The following GPC5 variants were observed in gnomAD, a reference collection of about 807,000 sequenced individuals.
GPC5 encodes the protein glypican-5.
Under a neutral mutation model 53.9 loss-of-function variants are expected in GPC5, and 47 were observed. The ratio of observed to expected loss-of-function variants is 0.87; its 90% CI spans 0.69 to 1.11. The LOEUF (loss-of-function observed/expected upper bound fraction) is 1.11, where lower values mean the gene tolerates loss of function less well. Ranked by LOEUF, GPC5 falls within the 50% of genes most tolerant of loss-of-function variation. GPC5 has a pLI of 0.00. For missense variants in GPC5, 748 were observed against 713.1 expected (o/e 1.05, Z -0.56); for synonymous variants, 286 against 263.3 (o/e 1.09, Z -0.84).
chr13:92,736,204 T>C (rs1475250780), intron 7 of GPC5, among the ~76,000 whole-genome samples: 1 of 152,052 alleles, frequency 6.6e-6, no homozygotes, highest in Non-Finnish European at 1.5e-5. Flanking sequence ...CCACCATCAA[T>C]GTTTTTAATA....
chr13:91,705,553 A>C (rs905830705), intron 3 of GPC5, among the ~76,000 whole-genome samples: 2 of 152,190 alleles, frequency 1.3e-5, no homozygotes, highest in Admixed American at 1.3e-4. Context: ...AACTCATTTC[A>C]TCAGATCAGC....
intron 5 of GPC5, among the ~76,000 whole-genome samples, chr13:91,888,319 G>A (rs575011037): frequency 4.2e-4 from 64 of 152,166 alleles, no homozygotes; most frequent in Non-Finnish European, 7.4e-4. Context: ...CCCAGGACAC[G>A]TGGGGATTAT....
At chr13:92,665,326 T>C (rs985564772) in intron 7 of GPC5, among the ~76,000 whole-genome samples, 4 of 152,150 alleles carry the variant, frequency 2.6e-5, no homozygotes, top group African/African-American at 9.7e-5. Flanking sequence ...AAAATCCTTA[T>C]GGTCAAAACT....
At chr13:91,436,977 A>G (rs534698818) in intron 1 of GPC5, among the ~76,000 whole-genome samples, 4 of 152,182 alleles carry the variant, frequency 2.6e-5, no homozygotes, top group African/African-American at 9.6e-5. Flanking sequence ...TTGTTGGTTT[A>G]AAGTCTGTTT....
chr13:92,030,296 T>G (rs927093139), intron 6 of GPC5, among the ~76,000 whole-genome samples: 1 of 152,180 alleles, frequency 6.6e-6, no homozygotes, highest in African/African-American at 2.4e-5. Flanking sequence ...AGTTGCAGTC[T>G]TACCTGTTAT....
chr13:92,091,915 A>T (rs138283270), intron 6 of GPC5, among the ~76,000 whole-genome samples: 1 of 152,304 alleles, frequency 6.6e-6, no homozygotes, highest in Non-Finnish European at 1.5e-5. Context: ...TTTTCCTAAA[A>T]CACCAACAGA....
chr13:91,452,658 T>C (rs1239929182), intron 2 of GPC5, among the ~76,000 whole-genome samples: 1 of 152,062 alleles, frequency 6.6e-6, no homozygotes, highest in Non-Finnish European at 1.5e-5. Flanking sequence ...CATGGAGAAA[T>C]AGGGGAAATT....
chr13:91,785,961 C>A (rs1002462364), intron 5 of GPC5, among the ~76,000 whole-genome samples: 3 of 152,106 alleles, frequency 2.0e-5, no homozygotes, highest in African/African-American at 7.2e-5. Flanking sequence ...AGAAATCTGC[C>A]TCAGGTCTGT....
chr13:92,613,668 A>G (rs1242380025), intron 7 of GPC5, among the ~76,000 whole-genome samples: 2 of 119,788 alleles, frequency 1.7e-5, no homozygotes, highest in Non-Finnish European at 3.4e-5. Flanking sequence ...TATATATTTT[A>G]TTATATATAT....
chr13:92,008,131 C>A (rs1474175956), intron 6 of GPC5, among the ~76,000 whole-genome samples: 1 of 146,574 alleles, frequency 6.8e-6, no homozygotes, highest in African/African-American at 2.5e-5. Context: ...GGCGCAATCT[C>A]GGCTCACTGC....
intron 7 of GPC5, among the ~76,000 whole-genome samples, chr13:92,395,162 C>T (rs896856959): frequency 1.3e-5 from 2 of 152,118 alleles, no homozygotes; most frequent in Admixed American, 6.6e-5. Context: ...CAAAACTGTT[C>T]TGCTTGTTAC....
chr13:92,413,071 C>A (rs143803636), intron 7 of GPC5, among the ~76,000 whole-genome samples: 1 of 152,334 alleles, frequency 6.6e-6, no homozygotes, highest in East Asian at 1.9e-4. Context: ...AAGCAACCCA[C>A]TGAAGTAGGT....
chr13:92,509,328 C>T (rs898830261), intron 7 of GPC5, among the ~76,000 whole-genome samples: 2 of 152,138 alleles, frequency 1.3e-5, no homozygotes, highest in African/African-American at 2.4e-5. Flanking sequence ...TTAAGCATCA[C>T]ATAAATCTTT....
intron 7 of GPC5, among the ~76,000 whole-genome samples, chr13:92,755,842 C>T (rs1289579438): frequency 2.1e-5 from 3 of 143,698 alleles, no homozygotes; most frequent in Middle Eastern, 3.6e-3. Context: ...TAATCAATAG[C>T]TTACCAACCA....
At chr13:92,865,502 T>TG (rs759292459) in intron 7 of GPC5, among the ~76,000 whole-genome samples, 3 of 152,042 alleles carry the variant, frequency 2.0e-5, no homozygotes, top group Non-Finnish European at 4.4e-5. Flanking sequence ...AGGGGATGGA[T>TG]GTGGGGAAGG....
intron 7 of GPC5, among the ~76,000 whole-genome samples, chr13:92,557,495 A>G (rs1882537743): frequency 6.6e-6 from 1 of 152,000 alleles, no homozygotes. Context: ...CTTGTGTAGC[A>G]TAGAAATTCA....
intron 6 of GPC5, among the ~76,000 whole-genome samples, chr13:92,010,816 C>T (rs2040654760): frequency 6.6e-6 from 1 of 152,136 alleles, no homozygotes; most frequent in South Asian, 2.1e-4. Context: ...ATGATGGCAC[C>T]TTAAACTTTC....
intron 7 of GPC5, among the ~76,000 whole-genome samples, chr13:92,358,924 G>A (rs2043544474): frequency 6.6e-6 from 1 of 151,536 alleles, no homozygotes; most frequent in East Asian, 1.9e-4. Flanking sequence ...TCATTGTCTT[G>A]GCTATTAACA....
intron 2 of GPC5, among the ~76,000 whole-genome samples, chr13:91,585,069 C>A (rs1280408444): frequency 6.6e-6 from 1 of 152,036 alleles, no homozygotes; most frequent in Non-Finnish European, 1.5e-5. Context: ...AATAGGATAT[C>A]CAGATGACTA....
Sources: allele counts gnomAD v4.1 joint callset (sites outside exome capture counted in the v4.1 genomes callset), GRCh38; gene constraint gnomAD v4.1.1; transcripts MANE v1.5; gene names NCBI Gene and HGNC (gene_info 2026-07-23, HGNC 2026-07-21).